The following SLC4A10 variants were observed in gnomAD, a reference collection of about 807,000 sequenced individuals.
The protein encoded by SLC4A10 is sodium-driven chloride bicarbonate exchanger.
SLC4A10 carries 42 observed loss-of-function variants against 137.7 expected under a neutral mutation model. The observed-to-expected ratio is 0.30, with a 90% CI of 0.24 to 0.39. The LOEUF (loss-of-function observed/expected upper bound fraction) is 0.39. SLC4A10 is among the 10% of genes least tolerant of loss of function. The probability of loss-of-function intolerance (pLI) is 1.00; values close to 1 mark genes in which losing one functional copy is unlikely to be tolerated. For synonymous variants in SLC4A10, 474 were observed against 464.1 expected (o/e 1.02, Z -0.27); for missense variants, 925 against 1,355.0 (o/e 0.68, Z 4.98).
At position 161,955,283 on chromosome 2, in the gene SLC4A10, T is replaced by G. The variant is rs923027574; in HGVS notation, c.2542-1706T>G. Among the ~76,000 whole-genome samples, 152 of 152,166 alleles carry G rather than the reference T, an allele frequency of 1.0e-3. 1 individual carries two copies. Among genetic ancestry groups the G allele is most frequent in the Admixed American group, 1.0e-2 (152 of 15,268 alleles). ...TATGGAATTACATCTTCCAAAATGT[T>G]TTGCAAAAGGGCCAAGGGATGATAT... On this transcript the variant is annotated intron_variant, in intron 19 of 26. Transcript: ENST00000446997.
intron 1 of SLC4A10, among the ~76,000 whole-genome samples, chr2:161,692,037 G>A (rs546513131): frequency 6.6e-6 from 1 of 152,128 alleles, no homozygotes; most frequent in East Asian, 1.9e-4. Context: ...GGACAGATTA[G>A]TCATGTAGTT....
intron 15 of SLC4A10, among the ~76,000 whole-genome samples, chr2:161,915,731 C>A (rs1686974419): frequency 6.6e-6 from 1 of 152,168 alleles, no homozygotes; most frequent in South Asian, 2.1e-4. Context: ...TTCACTCATG[C>A]ACTCCCTCCT....
At chr2:161,708,572 T>C in intron 1 of SLC4A10, 3 of 1,006,512 alleles carry the variant, frequency 3.0e-6, no homozygotes, top group Non-Finnish European at 4.1e-6. Context: ...CAGTCTCTCT[T>C]AGTATGGGGT....
At chr2:161,818,271 G>T (rs554943017) in intron 3 of SLC4A10, among the ~76,000 whole-genome samples, 2 of 152,090 alleles carry the variant, frequency 1.3e-5, no homozygotes, top group African/African-American at 4.8e-5. Context: ...TCATGATTTG[G>T]CTCTCTGTTT....
At chr2:161,748,436 TTGTGTGTGTGTGTG>T (rs144251917) in intron 1 of SLC4A10, among the ~76,000 whole-genome samples, 1 of 142,422 alleles carries the variant, frequency 7.0e-6, no homozygotes, top group Non-Finnish European at 1.6e-5. Flanking sequence ...CATTTTGAGT[TTGTGTGTGTGTGTG>T]TGTGTGTGTG....
chr2:161,949,103 A>G, intron 17 of SLC4A10, 45 bp from the exon 18 acceptor site: 2 of 1,258,790 alleles, frequency 1.6e-6, no homozygotes, highest in Non-Finnish European at 2.3e-6. Flanking sequence ...GTATTCCTTG[A>G]TATTTATAGC....
At chr2:161,743,193 C>T (rs997004632) in intron 1 of SLC4A10, among the ~76,000 whole-genome samples, 4 of 152,154 alleles carry the variant, frequency 2.6e-5, no homozygotes, top group Non-Finnish European at 5.9e-5. Context: ...AATCTTTGCC[C>T]AGACTGATGT....
At chr2:161,979,352 G>A (rs1699873489) in intron 26 of SLC4A10, among the ~76,000 whole-genome samples, 1 of 152,202 alleles carries the variant, frequency 6.6e-6, no homozygotes, top group South Asian at 2.1e-4. Context: ...ACAATATAAT[G>A]TGCTTTAAAG....
chr2:161,680,647 C>T (rs1050124151), intron 1 of SLC4A10, among the ~76,000 whole-genome samples: 1 of 152,086 alleles, frequency 6.6e-6, no homozygotes, highest in Non-Finnish European at 1.5e-5. Flanking sequence ...GTGATGAAAG[C>T]AAGTTTTAAG....
At chr2:161,734,524 G>T (rs941587386) in intron 1 of SLC4A10, among the ~76,000 whole-genome samples, 1 of 151,174 alleles carries the variant, frequency 6.6e-6, no homozygotes, top group Non-Finnish European at 1.5e-5. Flanking sequence ...CCCAGTCTCG[G>T]GTATGTTTTT....
rs1301619703 is a variant in SLC4A10 at position 161,854,966 on chromosome 2, A to G, written c.417-4A>G. ...AACTGTGCTGATAATATTTGTTTGT[A>G]TAGGTGGTTGAAGTTTGAAGAAGAT... On this transcript the variant is annotated splice_polypyrimidine_tract_variant and splice_region_variant and intron_variant, in intron 4 of 26. Coordinates refer to ENST00000446997, the MANE Select transcript of SLC4A10 (RefSeq NM_001178015.2). 1 of 1,611,596 alleles carries G rather than the reference A, an allele frequency of 6.2e-7. No homozygotes were observed. Among genetic ancestry groups the G allele is most frequent in the African/African-American group, 1.3e-5 (1 of 74,978 alleles).
At chr2:161,915,936 T>A (rs1206708647) in intron 15 of SLC4A10, among the ~76,000 whole-genome samples, 4 of 152,180 alleles carry the variant, frequency 2.6e-5, no homozygotes, top group Admixed American at 2.6e-4. Flanking sequence ...TTGACCTAAG[T>A]GCTATCATAT....
intron 1 of SLC4A10, among the ~76,000 whole-genome samples, chr2:161,744,024 C>T (rs947575600): frequency 2.0e-5 from 3 of 151,938 alleles, no homozygotes; most frequent in Non-Finnish European, 4.4e-5. Context: ...CTCTAGTAGG[C>T]TTTTTTTGTG....
intron 10 of SLC4A10, among the ~76,000 whole-genome samples, chr2:161,887,518 G>A (rs1368733469): frequency 6.6e-6 from 1 of 152,074 alleles, no homozygotes; most frequent in Non-Finnish European, 1.5e-5. Context: ...GGCATGAGAT[G>A]GTATCTCATT....
chr2:161,685,248 T>C (rs1285719681), intron 1 of SLC4A10, among the ~76,000 whole-genome samples: 1 of 152,168 alleles, frequency 6.6e-6, no homozygotes, highest in Non-Finnish European at 1.5e-5. Context: ...CTGGGCTAAG[T>C]GCATTACATA....
intron 1 of SLC4A10, among the ~76,000 whole-genome samples, chr2:161,668,723 C>T (rs986083726): frequency 6.6e-6 from 1 of 151,808 alleles, no homozygotes; most frequent in Admixed American, 6.6e-5. Context: ...TTTTGGAACA[C>T]ATTACTTGAT....
chr2:161,721,097 T>C (rs1354179451), intron 1 of SLC4A10, among the ~76,000 whole-genome samples: 1 of 152,066 alleles, frequency 6.6e-6, no homozygotes, highest in Admixed American at 6.6e-5. Context: ...CCAAAGTGCT[T>C]GGATTACAGG....
chr2:161,767,856 G>T (rs574501032), intron 1 of SLC4A10, among the ~76,000 whole-genome samples: 2 of 151,952 alleles, frequency 1.3e-5, no homozygotes, highest in Admixed American at 6.6e-5. Flanking sequence ...CTAGTAGAAG[G>T]TTCCTCACCT....
chr2:161,949,374 G>A (rs540969074), intron 18 of SLC4A10, 113 bp downstream of exon 18: 2 of 640,240 alleles, frequency 3.1e-6, no homozygotes, highest in African/African-American at 3.9e-5. Flanking sequence ...ATTTAGATTA[G>A]AAGACCAGTA....
Sources: gnomAD v4.1 joint callset for allele counts (sites outside exome capture counted in the v4.1 genomes callset) on GRCh38, gnomAD v4.1.1 for gene constraint, MANE v1.5 for transcripts, NCBI Gene and HGNC (gene_info 2026-07-23, HGNC 2026-07-21) for gene names.